Variants in PRMT9 observed in about 807,000 individuals in gnomAD.
PRMT9 encodes the protein protein arginine N-methyltransferase 9.
In PRMT9, 59 loss-of-function variants were observed where a neutral mutation model predicts 83.2. The ratio of observed to expected loss-of-function variants is 0.71; its 90% CI spans 0.57 to 0.88. PRMT9 has a LOEUF of 0.88. PRMT9 is among the 40% of genes least tolerant of loss of function. PRMT9 has a pLI of 0.00. For missense variants in PRMT9, 947 were observed against 1,021.9 expected (o/e 0.93, Z 1.00); for synonymous variants, 333 against 353.2 (o/e 0.94, Z 0.64).
intron 1 of PRMT9, among the ~76,000 whole-genome samples, chr4:147,681,254 CCA>C (rs1736450254): frequency 6.6e-6 from 1 of 152,180 alleles, no homozygotes; most frequent in Admixed American, 6.5e-5. Context: ...CTCTCCATTC[CCA>C]CAGTTACAAC....
At chr4:147,643,300 T>G (rs1733533067) in intron 9 of PRMT9, among the ~76,000 whole-genome samples, 1 of 152,040 alleles carries the variant, frequency 6.6e-6, no homozygotes, top group Non-Finnish European at 1.5e-5. Context: ...AAAAAACCCT[T>G]TGTAATCCCC....
chr4:147,676,143 A>C (rs894002124), intron 2 of PRMT9, among the ~76,000 whole-genome samples: 3 of 152,242 alleles, frequency 2.0e-5, no homozygotes, highest in African/African-American at 7.2e-5. Context: ...GCAAACTAAT[A>C]CCAAGTATTT....
rs746949248 is a variant in PRMT9 at position 147,673,632 on chromosome 4, A to G, written c.575+6T>C. On this transcript the variant is annotated splice_donor_region_variant and intron_variant, in intron 3 of 11. Coordinates refer to ENST00000322396, the MANE Select transcript of PRMT9 (RefSeq NM_138364.4). ...TATATACCATTAAAATGCAATTACT[A>G]CCAACCTTAGTATTCCAGTTCCTGC... 7.1e-6 allele frequency: 11 copies of G among 1,555,226 alleles called. No individual in the cohort carries two copies. Among genetic ancestry groups the G allele is most frequent in the Non-Finnish European group, 9.8e-6 (11 of 1,126,442 alleles).
chr4:147,675,975 T>A (rs1366998542), intron 2 of PRMT9, among the ~76,000 whole-genome samples: 1 of 152,200 alleles, frequency 6.6e-6, no homozygotes, highest in Non-Finnish European at 1.5e-5. Context: ...GGGGAGTAAA[T>A]GATACGCTAT....
At chr4:147,644,810 T>C (rs543015936) in intron 9 of PRMT9, among the ~76,000 whole-genome samples, 1 of 152,228 alleles carries the variant, frequency 6.6e-6, no homozygotes, top group African/African-American at 2.4e-5. Flanking sequence ...GTGCTATGTG[T>C]GAAGGGAGAG....
At chr4:147,650,963 G>A (rs189952369) in intron 9 of PRMT9, among the ~76,000 whole-genome samples, 179 of 152,246 alleles carry the variant, frequency 1.2e-3, no homozygotes, top group Non-Finnish European at 2.1e-3. Context: ...TTAGCCAGCT[G>A]TGGTGGCATG....
intron 7 of PRMT9, among the ~76,000 whole-genome samples, chr4:147,660,635 GAAAA>G (rs1734887880): frequency 6.6e-6 from 1 of 151,710 alleles, no homozygotes; most frequent in Non-Finnish European, 1.5e-5. Flanking sequence ...GTCAAAGAAA[GAAAA>G]GAAAGAAAGG....
At position 147,670,734 on chromosome 4, in the gene PRMT9, T is replaced by G; in HGVS notation, c.753A>C (p.Leu251=). The G allele has an allele frequency of 1.2e-6, 2 of 1,602,638 alleles. No individual in the cohort carries two copies. Among genetic ancestry groups the G allele is most frequent in the South Asian group, 1.1e-5 (1 of 90,892 alleles). The change falls in exon 5 of 12, where the codon CTA becomes CTC. Residue 251 remains leucine (L), a synonymous_variant. Coordinates refer to ENST00000322396, the MANE Select transcript of PRMT9 (RefSeq NM_138364.4). The part of the protein sequence containing the change: ...IPKHIPERVS[L]VVTETVDAGL... ...CTGCATCGACAGTTTCTGTTACAAC[T>G]AGGGACACTCTATAGAATGATTTTT...
intron 8 of PRMT9, among the ~76,000 whole-genome samples, chr4:147,656,982 C>A (rs910230733): frequency 6.6e-6 from 1 of 150,918 alleles, no homozygotes; most frequent in Non-Finnish European, 1.5e-5. Flanking sequence ...TGAAACCCAT[C>A]GAATCACTGT....
Position 147,642,461 on chromosome 4 carries a change from G to C in PRMT9, c.2199+326C>G, listed in dbSNP as rs1454525865. On this transcript the variant is annotated intron_variant, in intron 10 of 11. Transcript: ENST00000322396. ...TCACCATGTTGGCCAGGCTGGTCTT[G>C]AACGCCTGACCTCAAGTGATCCACC... Among the ~76,000 whole-genome samples the C allele has an allele frequency of 3.9e-4, 59 of 151,952 alleles. 1 individual carries two copies. Among genetic ancestry groups the C allele is most frequent in the Non-Finnish European group, 1.5e-5 (1 of 67,988 alleles).
intron 2 of PRMT9, among the ~76,000 whole-genome samples, chr4:147,678,519 T>C (rs780822787): frequency 1.3e-5 from 2 of 152,206 alleles, no homozygotes; most frequent in Non-Finnish European, 2.9e-5. Flanking sequence ...CTGCCATCCT[T>C]TGAAAGGCCT....
intron 8 of PRMT9, 133 bp from the exon 9 acceptor site, chr4:147,654,699 T>C: frequency 1.5e-6 from 1 of 659,978 alleles, no homozygotes. Context: ...ACTCATTTAA[T>C]ATACAAAAAA....
At chr4:147,680,580 A>C (rs892905711) in intron 1 of PRMT9, 109 bp from the exon 2 acceptor site, 20 of 821,738 alleles carry the variant, frequency 2.4e-5, no homozygotes, top group Non-Finnish European at 3.6e-5. Flanking sequence ...CTATTGAACA[A>C]TCACCTTAAA....
intron 10 of PRMT9, among the ~76,000 whole-genome samples, chr4:147,641,923 A>T (rs1578873591): frequency 6.6e-6 from 1 of 152,206 alleles, no homozygotes; most frequent in Admixed American, 6.5e-5. Context: ...TTTGCCTCTC[A>T]AAGTGCCAGG....
chr4:147,679,459 T>C (rs1168404320), intron 2 of PRMT9, among the ~76,000 whole-genome samples: 1 of 145,946 alleles, frequency 6.9e-6, no homozygotes, highest in Non-Finnish European at 1.5e-5. Context: ...AAAAAAAAAG[T>C]GCTGGAGGCC....
chr4:147,668,197 C>T (rs1164563171), intron 6 of PRMT9, among the ~76,000 whole-genome samples: 4 of 152,184 alleles, frequency 2.6e-5, no homozygotes, highest in East Asian at 1.9e-4. Flanking sequence ...ATTGTAATCC[C>T]CACAAGTTGA....
At position 147,682,530 on chromosome 4, in the gene PRMT9, T is replaced by C. The variant is rs563574587; in HGVS notation, c.189+1269A>G. Among the ~76,000 whole-genome samples the C allele has an allele frequency of 4.6e-3, 694 of 151,986 alleles. 2 individuals are homozygous for C. The highest frequency in any genetic ancestry group is 7.1e-3 in the Non-Finnish European group (482 of 67,956). ...TTTCACCATATTGGCCAGGCTGGTCTCAAACTCCTGACCTTGTGATCCACC... is the reference window on the plus strand; with the variant it reads ...TTTCACCATATTGGCCAGGCTGGTCCCAAACTCCTGACCTTGTGATCCACC... On this transcript the variant is annotated intron_variant, in intron 1 of 11. Transcript: ENST00000322396.
chr4:147,638,646 G>A lies in PRMT9; in HGVS notation c.2424C>T (p.His808=). 6.2e-7 allele frequency: 1 copy of A among 1,613,686 alleles called. No individual in the cohort carries two copies. The highest frequency in any genetic ancestry group is 8.5e-7 in the Non-Finnish European group (1 of 1,179,654). The part of the protein sequence containing the change: ...IRLDTSSEAS[H]WKQAAVVLDN... Reference sequence around the variant, plus strand: ...CTAAAACAACTGCAGCTTGTTTCCAGTGGGAGGCTTCACTTGAAGTATCCA... The same window carrying A: ...CTAAAACAACTGCAGCTTGTTTCCAATGGGAGGCTTCACTTGAAGTATCCA... The change falls in exon 12 of 12, where the codon CAC becomes CAT. Residue 808 remains histidine (H), a synonymous_variant. Transcript: ENST00000322396.
Position 147,654,242 on chromosome 4 carries a change from T to G in PRMT9, c.1655A>C (p.Lys552Thr), listed in dbSNP as rs752287364. The G allele has an allele frequency of 1.1e-5, 17 of 1,614,080 alleles. No homozygotes were observed. The highest frequency in any genetic ancestry group is 1.4e-5 in the Non-Finnish European group (17 of 1,180,028). ...GTGAGTATCCATGGTCTGATACAGT[T>G]TCTCTGGAGTCAGTGAAGACAAAAC... Reference protein sequence around the residue: ...SKVLSSLTPEKLYQTMDTHCQ... With the variant: ...SKVLSSLTPETLYQTMDTHCQ... The change falls in exon 9 of 12, where the codon AAA becomes ACA. Residue 552 changes from lysine to threonine, a missense_variant. Physicochemically the swap from Lys to Thr is moderately conservative, Grantham distance 78. Transcript: ENST00000322396.
Sources: gnomAD v4.1 joint callset for allele counts (sites outside exome capture counted in the v4.1 genomes callset) on GRCh38, gnomAD v4.1.1 for gene constraint, MANE v1.5 for transcripts, NCBI Gene and HGNC (gene_info 2026-07-23, HGNC 2026-07-21) for gene names.